Variants in PPARGC1A observed in about 807,000 individuals in gnomAD.
The protein encoded by PPARGC1A is peroxisome proliferator-activated receptor gamma coactivator 1-alpha.
PPARGC1A carries 25 observed loss-of-function variants against 88.7 expected under a neutral mutation model. That is an observed-to-expected ratio of 0.28 (90% CI 0.21 to 0.39). PPARGC1A has a LOEUF of 0.39. Ranked by LOEUF, PPARGC1A falls within the 10% of genes least tolerant of loss-of-function variation. The pLI is 1.00. For missense variants in PPARGC1A, 880 were observed against 968.7 expected (o/e 0.91, Z 1.22); for synonymous variants, 363 against 355.6 (o/e 1.02, Z -0.24).
At chr4:24,441,978 T>C in the PPARGC1A span, among the ~76,000 whole-genome samples, 1 of 152,260 alleles carries the variant, frequency 6.6e-6, no homozygotes, top group African/African-American at 2.4e-5. Flanking sequence ...TAAGTGGTCA[T>C]GCATTTTTCA....
At chr4:24,024,438 C>T in the PPARGC1A span, among the ~76,000 whole-genome samples, 1 of 152,210 alleles carries the variant, frequency 6.6e-6, no homozygotes, top group African/African-American at 2.4e-5. Flanking sequence ...TGAAGCAGTT[C>T]CCATCTCCTT....
the PPARGC1A span, among the ~76,000 whole-genome samples, chr4:24,052,328 C>T: frequency 6.6e-6 from 1 of 152,244 alleles, no homozygotes; most frequent in Admixed American, 6.5e-5. Flanking sequence ...TAAGTAGAAT[C>T]AGGCTCCATA....
upstream of PPARGC1A, among the ~76,000 whole-genome samples, chr4:23,904,556 T>A (rs1428573772): frequency 6.6e-6 from 1 of 152,034 alleles, no homozygotes; most frequent in Admixed American, 6.6e-5. Flanking sequence ...AGAGCTAGGG[T>A]TTTCCTCCTC....
chr4:24,080,916 A>C, the PPARGC1A span, among the ~76,000 whole-genome samples: 2 of 152,032 alleles, frequency 1.3e-5, no homozygotes, highest in Non-Finnish European at 2.9e-5. Flanking sequence ...GAGGGCTTTG[A>C]GATTTTTTTC....
chr4:24,452,741 G>A, the PPARGC1A span, among the ~76,000 whole-genome samples: 1 of 152,168 alleles, frequency 6.6e-6, no homozygotes, highest in Non-Finnish European at 1.5e-5. Flanking sequence ...TGCTGCCTTT[G>A]TGGAGTTTAC....
At chr4:23,995,076 G>A in the PPARGC1A span, among the ~76,000 whole-genome samples, 1 of 152,028 alleles carries the variant, frequency 6.6e-6, no homozygotes, top group African/African-American at 2.4e-5. Context: ...CTCTTGTGGT[G>A]GCAAGTTCTA....
the PPARGC1A span, among the ~76,000 whole-genome samples, chr4:24,133,628 T>C: frequency 3.9e-5 from 6 of 152,144 alleles, no homozygotes; most frequent in African/African-American, 1.4e-4. Context: ...GCCAAGATAA[T>C]TGTACGTCCC....
chr4:24,122,860 T>C, the PPARGC1A span, among the ~76,000 whole-genome samples: 5 of 152,254 alleles, frequency 3.3e-5, no homozygotes, highest in South Asian at 4.1e-4. Flanking sequence ...AGAGGCTAAA[T>C]GCAATAAGGT....
the PPARGC1A span, among the ~76,000 whole-genome samples, chr4:24,200,152 A>T: frequency 2.6e-5 from 4 of 152,194 alleles, no homozygotes; most frequent in Admixed American, 6.5e-5. Flanking sequence ...AAGTCATAGA[A>T]GGGATGTATA....
the PPARGC1A span, among the ~76,000 whole-genome samples, chr4:24,378,904 G>A: frequency 1.3e-5 from 2 of 152,202 alleles, no homozygotes; most frequent in African/African-American, 4.8e-5. Context: ...TATCAATACT[G>A]CTTTTACAAA....
chr4:24,398,063 C>G, the PPARGC1A span, among the ~76,000 whole-genome samples: 1 of 152,134 alleles, frequency 6.6e-6, no homozygotes. Flanking sequence ...CCGCTTCTGT[C>G]AAGATGCTCT....
chr4:23,863,281 T>C (rs1731568502), intron 2 of PPARGC1A, among the ~76,000 whole-genome samples: 2 of 152,124 alleles, frequency 1.3e-5, no homozygotes, highest in South Asian at 4.1e-4. Flanking sequence ...AAGATAACCT[T>C]TCTTCGCTGA....
rs768154855 is a variant in PPARGC1A at position 23,814,656 on chromosome 4, CAGAGAT to C, written c.878-57_878-52del. 6 of 1,418,962 alleles carry C rather than the reference CAGAGAT, an allele frequency of 4.2e-6. No individual in the cohort carries two copies. The African/African-American group carries it at 5.9e-5, about 14-fold the overall frequency. The allele number at this position is 1,418,962 out of a possible 1,614,324, so 87.9% of individuals were successfully genotyped here. A position where few individuals can be genotyped will look rare whatever the true frequency, so the allele number is the denominator to read the frequency against. On this transcript the variant is annotated intron_variant, in intron 7 of 12. Coordinates refer to ENST00000264867, the MANE Select transcript of PPARGC1A (RefSeq NM_013261.5). ...AAAAAAGAGAGAGAAAGAAAAGAGA[CAGAGAT>C]AATGTTCTTAAATGCGAAGACACAT... is the stretch of plus-strand genomic sequence containing the variant.
the PPARGC1A span, among the ~76,000 whole-genome samples, chr4:23,933,615 A>G: frequency 2.6e-5 from 4 of 152,240 alleles, no homozygotes; most frequent in African/African-American, 7.2e-5. Flanking sequence ...GCAAACTCTG[A>G]GAGGCTAGAA....
the PPARGC1A span, among the ~76,000 whole-genome samples, chr4:24,131,342 C>T: frequency 1.7e-3 from 254 of 152,270 alleles, 5 homozygotes; most frequent in East Asian, 0.04. Flanking sequence ...ACCACTCTAC[C>T]GTTACAACTT....
the PPARGC1A span, among the ~76,000 whole-genome samples, chr4:23,974,015 A>T: frequency 1.3e-5 from 2 of 152,178 alleles, no homozygotes; most frequent in African/African-American, 4.8e-5. Flanking sequence ...GCTGCTTTGA[A>T]GATTATTGGA....
the PPARGC1A span, among the ~76,000 whole-genome samples, chr4:24,424,502 C>G: frequency 3.3e-5 from 5 of 151,978 alleles, no homozygotes; most frequent in Non-Finnish European, 5.9e-5. Flanking sequence ...GCCTCGATCT[C>G]CTGACCTCAT....
the PPARGC1A span, among the ~76,000 whole-genome samples, chr4:23,967,723 C>G: frequency 1.4e-4 from 21 of 152,056 alleles, no homozygotes; most frequent in African/African-American, 5.1e-4. Flanking sequence ...TTCTCTCTGC[C>G]TTTTCCTCCA....
At position 23,824,481 on chromosome 4, in the gene PPARGC1A, AGAG is replaced by A; in HGVS notation, c.782_784del (p.Pro261del). ...TACTTACTTTGGTGACTCTGGGGTC[AGAG>A]GAAGAGATAAAGTTGTTGGTTTGGC... On this transcript the variant is annotated inframe_deletion, in exon 6 of 13. Coordinates refer to ENST00000264867, the MANE Select transcript of PPARGC1A (RefSeq NM_013261.5). 6.2e-7 allele frequency: 1 copy of A among 1,609,570 alleles called. No homozygotes were observed. The highest frequency in any genetic ancestry group is 8.5e-7 in the Non-Finnish European group (1 of 1,176,292).
Sources: allele counts gnomAD v4.1 joint callset (sites outside exome capture counted in the v4.1 genomes callset), GRCh38; gene constraint gnomAD v4.1.1; transcripts MANE v1.5; gene names NCBI Gene and HGNC (gene_info 2026-07-23, HGNC 2026-07-21).